FAM50B: variants seen among roughly 807,000 people sequenced by gnomAD.
The protein encoded by FAM50B is family with sequence similarity 50 member B.
Under a neutral mutation model 25.4 loss-of-function variants are expected in FAM50B, and 9 were observed. The ratio of observed to expected loss-of-function variants is 0.35; its 90% CI spans 0.21 to 0.62. The LOEUF (loss-of-function observed/expected upper bound fraction) is 0.62. FAM50B is among the 20% of genes least tolerant of loss of function. The probability of loss-of-function intolerance (pLI) is 0.73; values close to 1 mark genes in which losing one functional copy is unlikely to be tolerated. For missense variants in FAM50B, 372 were observed against 477.9 expected (o/e 0.78, Z 2.07); for synonymous variants, 212 against 204.3 (o/e 1.04, Z -0.32).
upstream of FAM50B, among the ~76,000 whole-genome samples, chr6:3,846,115 T>G (rs556123015): frequency 6.6e-6 from 1 of 152,218 alleles, no homozygotes; most frequent in Non-Finnish European, 1.5e-5. Flanking sequence ...ACAAAGAGAT[T>G]CTGATGTGGC....
chr6:3,832,251 A>G, the FAM50B span, among the ~76,000 whole-genome samples: 1 of 152,198 alleles, frequency 6.6e-6, no homozygotes, highest in Non-Finnish European at 1.5e-5. Flanking sequence ...CCTTTTTAGA[A>G]GGTGGTTGTA....
At chr6:3,849,716 G>C (rs1762175144) in intron 1 of FAM50B, 73 bp from the exon 2 acceptor site, 1 of 1,452,496 alleles carries the variant, frequency 6.9e-7, no homozygotes, top group East Asian at 2.5e-5. Context: ...CCTGTGAGGA[G>C]GCGCAGAGCT....
At chr6:3,834,529 G>C in the FAM50B span, among the ~76,000 whole-genome samples, 4 of 151,856 alleles carry the variant, frequency 2.6e-5, no homozygotes, top group African/African-American at 9.7e-5. Flanking sequence ...TAAAAGATTT[G>C]ATCATACAAT....
chr6:3,847,657 C>A, upstream of FAM50B, among the ~76,000 whole-genome samples: 1 of 152,238 alleles, frequency 6.6e-6, no homozygotes, highest in East Asian at 1.9e-4. Flanking sequence ...AAAGCGCTTT[C>A]AGTTTCATTC....
the FAM50B span, among the ~76,000 whole-genome samples, chr6:3,837,132 G>A: frequency 0.27 from 40,651 of 152,074 alleles, 6,063 homozygotes; most frequent in Non-Finnish European, 0.33. Flanking sequence ...AAAACTTTTG[G>A]AAGAAATCAT....
chr6:3,832,854 T>G, the FAM50B span, among the ~76,000 whole-genome samples: 2 of 152,068 alleles, frequency 1.3e-5, no homozygotes, highest in Non-Finnish European at 2.9e-5. Flanking sequence ...CTTTGACCTT[T>G]TTAATTTTTT....
chr6:3,836,603 A>G, the FAM50B span, among the ~76,000 whole-genome samples: 1 of 152,354 alleles, frequency 6.6e-6, no homozygotes, highest in South Asian at 2.1e-4. Context: ...TTGGTTACAA[A>G]GAAAACATGG....
chr6:3,850,292 G>A lies in FAM50B; in HGVS notation c.481G>A (p.Glu161Lys). 1 of 1,613,346 alleles carries A rather than the reference G, an allele frequency of 6.2e-7. No individual in the cohort carries two copies. The highest frequency in any genetic ancestry group is 8.5e-7 in the Non-Finnish European group (1 of 1,179,794). Residue 161 changes from glutamate (E) to lysine (K), a missense_variant, in exon 2 of 2, where the codon GAG becomes AAG. Around this residue, in one of 4 missense-constraint regions of FAM50B, gnomAD observed 224 missense variants for 232.2 expected, o/e 0.96. Transcript: ENST00000648326. ...SFLPDRDREE[E>K]ENRLREELRQ... ...CCTGCCAGACCGCGACCGCGAGGAG[G>A]AGGAGAACCGGCTCCGAGAGGAGCT...
the FAM50B span, among the ~76,000 whole-genome samples, chr6:3,844,239 G>A: frequency 1.3e-5 from 2 of 152,126 alleles, no homozygotes; most frequent in Non-Finnish European, 1.5e-5. Flanking sequence ...CTGGAGGAGG[G>A]CACATTTTTT....
rs779816931 is a variant in FAM50B at position 3,849,825 on chromosome 6, A to G, written c.14A>G (p.Lys5Arg). Reference protein sequence around the residue: MAQYKGTMREAGRAM... With the variant: MAQYRGTMREAGRAM... The stretch of plus-strand genomic sequence containing the variant: ...TAGGCGCGGGCCATGGCGCAGTACA[A>G]GGGCACCATGCGCGAGGCAGGCCGT... Residue 5 changes from lysine to arginine, a missense_variant, in exon 2 of 2, where the codon AAG (lysine) becomes AGG (arginine). Transcript: ENST00000648326. The G allele has an allele frequency of 1.2e-6, 2 of 1,610,794 alleles. No homozygotes were observed. Among genetic ancestry groups the G allele is most frequent in the Non-Finnish European group, 1.7e-6 (2 of 1,178,606 alleles).
In FAM50B at chr6:3,850,676, G is replaced by T. The variant is rs760598905; in HGVS notation, c.865G>T (p.Ala289Ser). The change falls in exon 2 of 2, where the codon GCG becomes TCG. Residue 289 changes from alanine (A) to serine (S), a missense_variant. Transcript: ENST00000648326. Reference sequence around the variant, plus strand: ...CACCATGGAGAAGGACGAGTCGCACGCGGGCAAGGTGGTGCTGCGCAGCTG... The same window carrying T: ...CACCATGGAGAAGGACGAGTCGCACTCGGGCAAGGTGGTGCTGCGCAGCTG... Reference protein sequence around the residue: ...DATMEKDESHAGKVVLRSWYE... With the variant: ...DATMEKDESHSGKVVLRSWYE... The T allele has an allele frequency of 1.2e-6, 2 of 1,614,108 alleles. No individual in the cohort carries two copies. Among genetic ancestry groups the T allele is most frequent in the Non-Finnish European group, 1.7e-6 (2 of 1,180,038 alleles).
chr6:3,844,648 T>C (rs1581299669), upstream of FAM50B, among the ~76,000 whole-genome samples: 1 of 151,948 alleles, frequency 6.6e-6, no homozygotes, highest in Non-Finnish European at 1.5e-5. Context: ...CCGGCGGAGG[T>C]TGCAGTGGGC....
chr6:3,845,017 T>C (rs1338375201), upstream of FAM50B, among the ~76,000 whole-genome samples: 2 of 152,194 alleles, frequency 1.3e-5, no homozygotes, highest in Non-Finnish European at 2.9e-5. Flanking sequence ...TCTTTTTTGT[T>C]CTATTTATTC....
rs376867179 is a variant in FAM50B, at chr6:3,849,809, G to T, written c.-3G>T. The T allele has an allele frequency of 6.9e-6, 11 of 1,599,822 alleles. No homozygotes were observed. Among genetic ancestry groups the T allele is most frequent in the Admixed American group, 6.7e-5 (4 of 59,554 alleles). ...TGCAGAGCCCATCGGGTAGGCGCGGGCCATGGCGCAGTACAAGGGCACCAT... is the reference window on the plus strand; with the variant it reads ...TGCAGAGCCCATCGGGTAGGCGCGGTCCATGGCGCAGTACAAGGGCACCAT... On this transcript the variant is annotated 5_prime_UTR_variant, in exon 2 of 2. Transcript: ENST00000648326.
At chr6:3,842,405 T>C in the FAM50B span, among the ~76,000 whole-genome samples, 1 of 152,236 alleles carries the variant, frequency 6.6e-6, no homozygotes, top group Non-Finnish European at 1.5e-5. Context: ...ACTTTCATCT[T>C]CTACGTTCCT....
chr6:3,835,313 A>C, the FAM50B span, among the ~76,000 whole-genome samples: 2 of 152,258 alleles, frequency 1.3e-5, no homozygotes, highest in Non-Finnish European at 2.9e-5. Flanking sequence ...AAGCCTGTGC[A>C]GTTGCCATTG....
In FAM50B at chr6:3,851,015, C is replaced by T. The variant is rs1762215059; in HGVS notation, c.*226C>T. 1.2e-5 allele frequency: 8 copies of T among 652,982 alleles called. No homozygotes were observed. Among genetic ancestry groups the T allele is most frequent in the Admixed American group, 3.1e-5 (1 of 32,020 alleles). The allele number at this position is 652,982 out of a possible 1,614,324, so 40.4% of individuals were successfully genotyped here. On this transcript the variant is annotated 3_prime_UTR_variant, in exon 2 of 2. Coordinates refer to ENST00000648326, the MANE Select transcript of FAM50B (RefSeq NM_012135.3). ...TGCCACCTGGATTTGCTGCATTGCT[C>T]TGCTGAGCTGTATTGAAACCATGAC...
the FAM50B span, among the ~76,000 whole-genome samples, chr6:3,839,912 G>A: frequency 0.24 from 37,234 of 152,104 alleles, 4,865 homozygotes; most frequent in East Asian, 0.37. Context: ...TTGGGAGGCC[G>A]AGGCGGGTGG....
At chr6:3,843,822 T>C in the FAM50B span, among the ~76,000 whole-genome samples, 1 of 152,256 alleles carries the variant, frequency 6.6e-6, no homozygotes, top group Non-Finnish European at 1.5e-5. Context: ...TCTGAATTCA[T>C]ACACTAGTTC....
Sources: allele counts gnomAD v4.1 joint callset (sites outside exome capture counted in the v4.1 genomes callset), GRCh38; gene constraint gnomAD v4.1.1; regional missense constraint gnomAD v4.1.1; transcripts MANE v1.5; gene names NCBI Gene and HGNC (gene_info 2026-07-23, HGNC 2026-07-21).